The following HELB variants were observed in gnomAD, a reference collection of about 807,000 sequenced individuals.
HELB encodes the protein DNA 5'-3' helicase B.
Under a neutral mutation model 101.7 loss-of-function variants are expected in HELB, and 96 were observed. That is an observed-to-expected ratio of 0.94 (90% CI 0.80 to 1.12). The LOEUF (loss-of-function observed/expected upper bound fraction) is 1.12, where lower values mean the gene tolerates loss of function less well. HELB is among the 50% of genes most tolerant of loss of function. The pLI, the probability that HELB is intolerant of heterozygous loss-of-function variation, is 0.00. For synonymous variants in HELB, 437 were observed against 459.7 expected, an observed-to-expected ratio of 0.95 and a Z score of 0.63; for missense variants, 1,210 against 1,291.9, an observed-to-expected ratio of 0.94 and a Z score of 0.97.
Position 66,322,758 on chromosome 12 carries a change from A to C in HELB, c.2272A>C (p.Lys758Gln). The change falls in exon 9 of 13, where the codon AAA becomes CAA. Residue 758 changes from lysine (K) to glutamine (Q), a missense_variant. By Grantham distance (53) the Lys-to-Gln change is moderately conservative. Around this residue, in one of 2 missense-constraint regions of HELB, gnomAD observed 740 missense variants for 728.8 expected, o/e 1.02. Coordinates refer to ENST00000247815, the MANE Select transcript of HELB (RefSeq NM_001370285.1). ...DCDLINDCCC[K>Q]HYTGHLTKDH... Reference sequence around the variant, plus strand: ...TGATCTAATTAATGACTGCTGCTGCAAACACTACACAGGCCACCTCACCAA... The same window carrying C: ...TGATCTAATTAATGACTGCTGCTGCCAACACTACACAGGCCACCTCACCAA... The C allele has an allele frequency of 6.2e-7, 1 of 1,611,236 alleles. No homozygotes were observed. Among genetic ancestry groups the C allele is most frequent in the Non-Finnish European group, 8.5e-7 (1 of 1,178,542 alleles).
chr12:66,336,306 T>C (rs548051447), intron 12 of HELB, among the ~76,000 whole-genome samples: 1 of 152,310 alleles, frequency 6.6e-6, no homozygotes, highest in Non-Finnish European at 1.5e-5. Context: ...TTGAGACCTA[T>C]TCTGAGTTTA....
chr12:66,337,251 A>G (rs2053876811), intron 12 of HELB, among the ~76,000 whole-genome samples: 1 of 152,066 alleles, frequency 6.6e-6, no homozygotes, highest in Non-Finnish European at 1.5e-5. Context: ...GGACAGTAGA[A>G]TCCCTGCTGA....
intron 11 of HELB, among the ~76,000 whole-genome samples, chr12:66,328,111 A>T (rs2053763329): frequency 6.6e-6 from 1 of 152,134 alleles, no homozygotes; most frequent in African/African-American, 2.4e-5. Flanking sequence ...CAGGAAAATT[A>T]ATATGAGGTA....
chr12:66,332,666 C>G (rs1469799727), intron 12 of HELB, among the ~76,000 whole-genome samples: 1 of 152,166 alleles, frequency 6.6e-6, no homozygotes. Context: ...TAACTTTTTA[C>G]TGTGCCTATT....
intron 9 of HELB, 116 bp downstream of exon 9, chr12:66,322,899 T>C (rs1367345971): frequency 8.7e-6 from 5 of 575,412 alleles, no homozygotes; most frequent in East Asian, 2.8e-5. Flanking sequence ...TAGTTTTTTT[T>C]CCCATTTGTG....
chr12:66,302,521 C>G lies in HELB; in HGVS notation c.-83C>G. 2 of 1,288,334 alleles carry G rather than the reference C, an allele frequency of 1.6e-6. No individual in the cohort carries two copies. Among genetic ancestry groups the G allele is most frequent in the Non-Finnish European group, 2.1e-6 (2 of 932,346 alleles). The allele number at this position is 1,288,334 out of a possible 1,614,324, so 79.8% of individuals were successfully genotyped here. ...CCGTTCCCGGAAGTTGATGGCCTTA[C>G]AGTCGTAGAACTGATTGGCTGATCA... On this transcript the variant is annotated 5_prime_UTR_variant, in exon 1 of 13. Transcript: ENST00000247815.
intron 5 of HELB, among the ~76,000 whole-genome samples, 195 bp downstream of exon 5, chr12:66,314,358 T>A (rs7133479): frequency 0.71 from 107,615 of 151,952 alleles, 38,604 homozygotes; most frequent in Middle Eastern, 0.83. Context: ...GGATATTAGC[T>A]GGCTGGGATG....
chr12:66,336,922 GGA>G (rs2053872204), intron 12 of HELB, among the ~76,000 whole-genome samples: 1 of 152,200 alleles, frequency 6.6e-6, no homozygotes, highest in South Asian at 2.1e-4. Context: ...TGATGGTTAG[GGA>G]GAGAGTAGGG....
At chr12:66,331,025 C>G (rs1349792030) in intron 11 of HELB, 129 bp from the exon 12 acceptor site, 1 of 988,198 alleles carries the variant, frequency 1.0e-6, no homozygotes. Flanking sequence ...ATAAAATGGA[C>G]ACATAATAAT....
intron 3 of HELB, among the ~76,000 whole-genome samples, chr12:66,307,599 A>T (rs2053491853): frequency 6.6e-6 from 1 of 151,690 alleles, no homozygotes; most frequent in Non-Finnish European, 1.5e-5. Flanking sequence ...CCTTACTCTC[A>T]CTCTTGCTAG....
downstream of HELB, chr12:66,341,628 A>AT (rs2053918980): frequency 6.6e-6 from 1 of 152,154 alleles, no homozygotes; most frequent in African/African-American, 2.4e-5. Flanking sequence ...AATTAACCTG[A>AT]TAGTATCTGA....
Position 66,338,130 on chromosome 12 carries a change from A to G in HELB, c.*28A>G, listed in dbSNP as rs1245492094. 7.9e-7 allele frequency: 1 copy of G among 1,263,298 alleles called. No homozygotes were observed. The highest frequency in any genetic ancestry group is 1.2e-6 in the Non-Finnish European group (1 of 864,612). The allele number at this position is 1,263,298 out of a possible 1,614,324, so 78.3% of individuals were successfully genotyped here. A position where few individuals can be genotyped will look rare whatever the true frequency, so the allele number is the denominator to read the frequency against. ...TTATTTCAAATTGTTCCGAGTAACT[A>G]TGTTTTTCTATTGGAGACAAAATGA... On this transcript the variant is annotated 3_prime_UTR_variant, in exon 13 of 13. Transcript: ENST00000247815.
downstream of HELB, chr12:66,340,011 A>T (rs1372382011): frequency 6.6e-6 from 1 of 152,232 alleles, no homozygotes; most frequent in East Asian, 1.9e-4. Flanking sequence ...TTGTCCATTC[A>T]TCAGTTGATG....
At position 66,324,083 on chromosome 12, in the gene HELB, C is replaced by G. The variant is rs1351525031; in HGVS notation, c.2398C>G (p.Gln800Glu). 6.2e-7 allele frequency: 1 copy of G among 1,613,582 alleles called. No individual in the cohort carries two copies. Among genetic ancestry groups the G allele is most frequent in the South Asian group, 1.1e-5 (1 of 91,070 alleles). Residue 800 changes from glutamine (Q) to glutamate (E), a missense_variant, in exon 10 of 13, where the codon CAG becomes GAG. This residue lies in a region of HELB where 740 missense variants were observed against 728.8 expected (regional missense o/e 1.02). Transcript: ENST00000247815. ...DLLPENISGSQQNNDLDASSE... is the reference protein window; with the variant it reads ...DLLPENISGSEQNNDLDASSE... ...ACTACCTGAAAATATCTCTGGAAGTCAGCAAAATAATGATCTAGATGCCAG... is the reference window on the plus strand; with the variant it reads ...ACTACCTGAAAATATCTCTGGAAGTGAGCAAAATAATGATCTAGATGCCAG...
chr12:66,312,663 G>A (rs758482099), intron 4 of HELB, among the ~76,000 whole-genome samples: 33 of 152,302 alleles, frequency 2.2e-4, no homozygotes, highest in South Asian at 4.1e-4. Flanking sequence ...ATCTGCTTGG[G>A]ATGCTGAGTG....
chr12:66,322,120 A>G (rs559082701), intron 8 of HELB, 91 bp downstream of exon 8: 50 of 587,544 alleles, frequency 8.5e-5, no homozygotes, highest in Middle Eastern at 4.5e-4. Context: ...GGAGATTCCA[A>G]TATTTCATCA....
chr12:66,310,716 A>G, intron 4 of HELB, 108 bp downstream of exon 4: 1 of 969,026 alleles, frequency 1.0e-6, no homozygotes, highest in Non-Finnish European at 1.6e-6. Context: ...GCAGATCACA[A>G]GGTCAGGAGA....
chr12:66,325,898 G>A (rs754606301), intron 11 of HELB, among the ~76,000 whole-genome samples: 10 of 152,010 alleles, frequency 6.6e-5, no homozygotes, highest in Non-Finnish European at 1.3e-4. Flanking sequence ...ATATTGTTAG[G>A]TTTACAGAAG....
At chr12:66,320,656 T>G (rs2053660053) in intron 7 of HELB, among the ~76,000 whole-genome samples, 1 of 152,242 alleles carries the variant, frequency 6.6e-6, no homozygotes, top group South Asian at 2.1e-4. Context: ...TACCTGATAC[T>G]GCTTTTCTAA....
Sources: allele counts gnomAD v4.1 joint callset (sites outside exome capture counted in the v4.1 genomes callset), GRCh38; gene constraint gnomAD v4.1.1; regional missense constraint gnomAD v4.1.1; transcripts MANE v1.5; gene names NCBI Gene and HGNC (gene_info 2026-07-23, HGNC 2026-07-21).